Variants in SUPT3H observed in about 807,000 individuals in gnomAD.
SUPT3H encodes SPT3 homolog, SAGA and STAGA complex component.
Under a neutral mutation model 44.3 loss-of-function variants are expected in SUPT3H, and 44 were observed. That is an observed-to-expected ratio of 0.99 (90% CI 0.78 to 1.28). The LOEUF is 1.28. Ranked by LOEUF, SUPT3H falls within the 50% of genes most tolerant of loss-of-function variation. The pLI is 0.00. For missense variants in SUPT3H, 380 were observed against 387.1 expected (o/e 0.98, Z 0.15); for synonymous variants, 124 against 125.6 (o/e 0.99, Z 0.09).
chr6:44,829,078 T>A lies in SUPT3H; in HGVS notation c.*738A>T, dbSNP rs535184389. On this transcript the variant is annotated 3_prime_UTR_variant, in exon 11 of 11. Coordinates refer to ENST00000371459, the MANE Select transcript of SUPT3H (RefSeq NM_003599.4). ...CTGCTCCCCTTCTACTGATTCTGAA[T>A]ACTTGGCTTCTAAATGTGTATGGCA... 3.5e-4 allele frequency: 53 copies of A among 152,584 alleles called. No homozygotes were observed. Among genetic ancestry groups the A allele is most frequent in the African/African-American group, 1.3e-3 (52 of 41,572 alleles). 9.5% of individuals were successfully genotyped at this position (152,584 alleles called of 1,614,324 possible).
rs377186259 is a variant in SUPT3H at position 44,976,654 on chromosome 6, CG to C, written c.505-14827del. The stretch of plus-strand genomic sequence containing the variant: ...CTAGGATTACAGGCATGAGGCACTG[CG>C]CCCGGCCATATTTTGAATTCTTATC... On this transcript the variant is annotated intron_variant, in intron 6 of 10. Transcript: ENST00000371459. 4.0e-3 allele frequency among the ~76,000 whole-genome samples: 605 copies of C among 152,242 alleles called. 6 individuals are homozygous for C. The highest frequency in any genetic ancestry group is 0.014 in the African/African-American group (589 of 41,556).
At chr6:45,295,817 C>T (rs1202082939) in intron 2 of SUPT3H, among the ~76,000 whole-genome samples, 1 of 151,956 alleles carries the variant, frequency 6.6e-6, no homozygotes, top group East Asian at 1.9e-4. Context: ...AATCAAAAAA[C>T]AAAAACTGGG....
Position 45,105,992 on chromosome 6 carries a change from T to A in SUPT3H, c.116A>T (p.Asp39Val). ...TGTTTCATGAAGAGGCCTTCTAGCA[T>A]CACCTAAAGAATACCTGCAAAATAA... ...ELQSMMYSLG[D>V]ARRPLHETAV... Residue 39 changes from aspartate (D) to valine (V), a missense_variant, in exon 3 of 11, where the codon GAT (aspartate) becomes GTT (valine). Asp to Val is a radical substitution (Grantham distance 152). Transcript: ENST00000371459. 1 of 1,613,614 alleles carries A rather than the reference T, an allele frequency of 6.2e-7. No individual in the cohort carries two copies. Among genetic ancestry groups the A allele is most frequent in the Non-Finnish European group, 8.5e-7 (1 of 1,179,728 alleles).
At chr6:45,010,518 T>C (rs1429527892) in intron 5 of SUPT3H, among the ~76,000 whole-genome samples, 2 of 152,150 alleles carry the variant, frequency 1.3e-5, no homozygotes, top group African/African-American at 2.4e-5. Context: ...AAATACATCA[T>C]AAACTGGGAG....
chr6:45,098,643 A>G, intron 3 of SUPT3H: 1 of 329,646 alleles, frequency 3.0e-6, no homozygotes, highest in East Asian at 8.1e-5. Context: ...GAAACAGATA[A>G]GCATCTAAAG....
intron 2 of SUPT3H, among the ~76,000 whole-genome samples, chr6:45,361,089 T>C (rs974708812): frequency 4.6e-5 from 7 of 152,084 alleles, no homozygotes; most frequent in African/African-American, 1.4e-4. Flanking sequence ...CCTGGCAACA[T>C]AGAGACCCCA....
chr6:45,321,835 C>T (rs1273547332), intron 2 of SUPT3H: 30 of 1,603,006 alleles, frequency 1.9e-5, no homozygotes, highest in Non-Finnish European at 2.3e-5. Flanking sequence ...ATTGTGATAA[C>T]AATAGGGAAA....
In SUPT3H at chr6:44,911,259, T is replaced by G. The variant is rs1228221587; in HGVS notation, c.912+21394A>C. Among the ~76,000 whole-genome samples the G allele has an allele frequency of 2.3e-5, 3 of 131,808 alleles. No homozygotes were observed. The East Asian group carries it at 9.0e-4, about 40-fold the overall frequency. The allele number at this position is 131,808 out of a possible 152,430, so 86.5% of individuals were successfully genotyped here. On this transcript the variant is annotated intron_variant, in intron 10 of 10. Transcript: ENST00000371459. ...GTCTTAGAATTAATCACTTAAATTT[T>G]TTAGTCAGCATTCCCACCACATGTT...
chr6:44,902,365 T>C (rs4711805), intron 10 of SUPT3H, among the ~76,000 whole-genome samples: 50,921 of 150,440 alleles, frequency 0.34, 9,474 homozygotes, highest in Admixed American at 0.42. Context: ...AAAGGCAGGA[T>C]TGCAGGGGTT....
At chr6:45,192,612 A>T (rs1164334618) in intron 2 of SUPT3H, among the ~76,000 whole-genome samples, 1 of 152,150 alleles carries the variant, frequency 6.6e-6, no homozygotes, top group Non-Finnish European at 1.5e-5. Flanking sequence ...TCTTAATCTT[A>T]GATCTAATGA....
Position 45,014,904 on chromosome 6 carries a change from T to C in SUPT3H, c.274-13A>G. ...TTCTAAGTTTTTTCTATTAAAAATA[T>C]AAAATAAGTAAATAAGAAAACCTAT... On this transcript the variant is annotated splice_polypyrimidine_tract_variant and intron_variant, in intron 4 of 10. Transcript: ENST00000371459. 7.0e-7 allele frequency: 1 copy of C among 1,431,992 alleles called. No individual in the cohort carries two copies. Among genetic ancestry groups the C allele is most frequent in the Non-Finnish European group, 9.3e-7 (1 of 1,071,878 alleles). The allele number at this position is 1,431,992 out of a possible 1,614,324, so 88.7% of individuals were successfully genotyped here. A position where few individuals can be genotyped will look rare whatever the true frequency, so the allele number is the denominator to read the frequency against.
chr6:45,141,608 T>G (rs1023904374), intron 2 of SUPT3H, among the ~76,000 whole-genome samples: 2 of 151,222 alleles, frequency 1.3e-5, no homozygotes, highest in Admixed American at 1.3e-4. Context: ...AAGAAAGAAC[T>G]TCAGAGCATG....
At chr6:45,047,167 TTTC>T (rs1189646763) in intron 3 of SUPT3H, among the ~76,000 whole-genome samples, 2 of 152,232 alleles carry the variant, frequency 1.3e-5, no homozygotes, top group Non-Finnish European at 2.9e-5. Context: ...GTTTTACTTT[TTTC>T]TTTTTATTTG....
At chr6:44,867,620 G>A (rs1775713137) in intron 10 of SUPT3H, among the ~76,000 whole-genome samples, 1 of 151,992 alleles carries the variant, frequency 6.6e-6, no homozygotes, top group Non-Finnish European at 1.5e-5. Context: ...TAGAATCACA[G>A]CCTACATGTG....
chr6:45,082,465 T>C (rs1230763958), intron 3 of SUPT3H, among the ~76,000 whole-genome samples: 1 of 143,264 alleles, frequency 7.0e-6, no homozygotes, highest in Non-Finnish European at 1.5e-5. Context: ...AATTAGGCTT[T>C]ATTCCTGAGA....
intron 10 of SUPT3H, chr6:44,898,989 C>T (rs1764548352): frequency 6.6e-6 from 1 of 152,160 alleles, no homozygotes; most frequent in Admixed American, 6.5e-5. Flanking sequence ...CTCTGCCCCC[C>T]TCCCTGATTT....
chr6:45,356,803 T>C (rs1236244789), intron 2 of SUPT3H, among the ~76,000 whole-genome samples: 1 of 152,164 alleles, frequency 6.6e-6, no homozygotes, highest in East Asian at 1.9e-4. Flanking sequence ...ATCATGGGAC[T>C]TCAGAACCAG....
At chr6:45,057,593 A>G (rs1791334303) in intron 3 of SUPT3H, among the ~76,000 whole-genome samples, 1 of 152,168 alleles carries the variant, frequency 6.6e-6, no homozygotes, top group South Asian at 2.1e-4. Context: ...CAGAGTTGAG[A>G]GGATGGCAGT....
intron 10 of SUPT3H, among the ~76,000 whole-genome samples, chr6:44,908,869 A>C (rs2153451995): frequency 6.6e-6 from 1 of 152,330 alleles, no homozygotes; most frequent in Middle Eastern, 3.4e-3. Flanking sequence ...TATTGTCTCT[A>C]AAATTTTAAT....
Sources: gnomAD v4.1 joint callset for allele counts (sites outside exome capture counted in the v4.1 genomes callset) on GRCh38, gnomAD v4.1.1 for gene constraint, MANE v1.5 for transcripts, NCBI Gene and HGNC (gene_info 2026-07-23, HGNC 2026-07-21) for gene names.